TENM3: variants seen among roughly 807,000 people sequenced by gnomAD.
TENM3 encodes the protein teneurin transmembrane protein 3.
In TENM3, 63 loss-of-function variants were observed where a neutral mutation model predicts 255.1. The ratio of observed to expected loss-of-function variants is 0.25; its 90% CI spans 0.20 to 0.30. The LOEUF is 0.30. TENM3 is among the 10% of genes least tolerant of loss of function. TENM3 has a pLI of 1.00. For synonymous variants in TENM3, 1,306 were observed against 1,322.3 expected, an observed-to-expected ratio of 0.99 and a Z score of 0.27; for missense variants, 2,929 against 3,461.1, an observed-to-expected ratio of 0.85 and a Z score of 3.86.
chr4:182,783,101 A>T (rs1359829954), intron 24 of TENM3, among the ~76,000 whole-genome samples: 1 of 151,318 alleles, frequency 6.6e-6, no homozygotes, highest in Non-Finnish European at 1.5e-5. Context: ...TGTCATTATG[A>T]TGTTAGCTGG....
chr4:182,120,858 T>C, the TENM3 span, among the ~76,000 whole-genome samples: 4 of 152,034 alleles, frequency 2.6e-5, no homozygotes, highest in Non-Finnish European at 2.9e-5. Context: ...GAAGTTGAGG[T>C]CAAAGGGGTA....
the TENM3 span, among the ~76,000 whole-genome samples, chr4:181,958,808 A>G: frequency 1.2e-4 from 18 of 152,304 alleles, no homozygotes; most frequent in African/African-American, 4.3e-4. Flanking sequence ...TATTCTCAGA[A>G]TCTAGCAGAA....
At chr4:181,449,767 C>T in the TENM3 span, among the ~76,000 whole-genome samples, 11 of 152,050 alleles carry the variant, frequency 7.2e-5, no homozygotes, top group East Asian at 3.9e-4. Context: ...AGCCTGGGCA[C>T]GACAGAGTGA....
chr4:181,877,427 T>C, the TENM3 span, among the ~76,000 whole-genome samples: 6 of 152,316 alleles, frequency 3.9e-5, no homozygotes, highest in East Asian at 5.8e-4. Context: ...TTCATGCTAA[T>C]TGAAAAATTA....
At chr4:182,596,958 T>A (rs1014245282) in intron 3 of TENM3, among the ~76,000 whole-genome samples, 1 of 152,170 alleles carries the variant, frequency 6.6e-6, no homozygotes, top group African/African-American at 2.4e-5. Flanking sequence ...GCAGTGGCTG[T>A]TCTGGTTGTT....
upstream of TENM3, among the ~76,000 whole-genome samples, chr4:182,240,609 G>T (rs1757189410): frequency 6.6e-6 from 1 of 152,202 alleles, no homozygotes; most frequent in African/African-American, 2.4e-5. Flanking sequence ...TGCACTTTGA[G>T]CATGTGGGTG....
chr4:182,187,360 A>G (rs898313916), intron 1 of TENM3, among the ~76,000 whole-genome samples: 1 of 152,198 alleles, frequency 6.6e-6, no homozygotes, highest in Non-Finnish European at 1.5e-5. Context: ...TTCCTATATG[A>G]CCATGTTGGT....
chr4:182,534,815 G>T (rs1446502918), intron 3 of TENM3, among the ~76,000 whole-genome samples: 1 of 152,194 alleles, frequency 6.6e-6, no homozygotes, highest in Non-Finnish European at 1.5e-5. Flanking sequence ...TGGAAAGTGG[G>T]ATCAGATTAT....
chr4:182,356,933 G>T lies in TENM3; in HGVS notation c.511+10004G>T, dbSNP rs1765589146. Among the ~76,000 whole-genome samples the T allele has an allele frequency of 2.1e-5, 3 of 139,922 alleles. No individual in the cohort carries two copies. The South Asian group carries it at 6.6e-4, about 31-fold the overall frequency. The allele number at this position is 139,922 out of a possible 152,430, so 91.8% of individuals were successfully genotyped here. A position where few individuals can be genotyped will look rare whatever the true frequency, so the allele number is the denominator to read the frequency against. On this transcript the variant is annotated intron_variant, in intron 3 of 27. Coordinates refer to ENST00000511685, the MANE Select transcript of TENM3 (RefSeq NM_001080477.4). The stretch of plus-strand genomic sequence containing the variant: ...CTTCCTGTGTCCATGTGTTCTCATT[G>T]TTCAATTCTCACCTATGAGTGAGAA...
chr4:181,840,891 C>T, the TENM3 span, among the ~76,000 whole-genome samples: 3 of 152,154 alleles, frequency 2.0e-5, no homozygotes, highest in Non-Finnish European at 2.9e-5. Context: ...TTTCCACTTG[C>T]ACTCAGTCAC....
the TENM3 span, among the ~76,000 whole-genome samples, chr4:181,989,639 C>A: frequency 6.6e-6 from 1 of 152,140 alleles, no homozygotes; most frequent in African/African-American, 2.4e-5. Flanking sequence ...TTGAGCCAAA[C>A]TGGCTGTCTA....
At chr4:181,646,715 C>T in the TENM3 span, among the ~76,000 whole-genome samples, 152 of 152,272 alleles carry the variant, frequency 1.0e-3, no homozygotes, top group Admixed American at 2.0e-3. Flanking sequence ...AGGACCGAGG[C>T]GCGTCTGACT....
chr4:181,808,681 C>T, the TENM3 span, among the ~76,000 whole-genome samples: 1 of 152,114 alleles, frequency 6.6e-6, no homozygotes, highest in Non-Finnish European at 1.5e-5. Context: ...TACAAGCCAG[C>T]GAGCAAGTGA....
chr4:182,308,550 C>T lies in TENM3; in HGVS notation c.-75-15396C>T, dbSNP rs1546635. Reference sequence around the variant, plus strand: ...AGATGGGATCTCACTATATTGCCCACGCTGGTCTTGAACTCCTGGCCTCAA... The same window carrying T: ...AGATGGGATCTCACTATATTGCCCATGCTGGTCTTGAACTCCTGGCCTCAA... On this transcript the variant is annotated intron_variant, in intron 1 of 27. Transcript: ENST00000511685. Among the ~76,000 whole-genome samples the T allele has an allele frequency of 3.5e-3, 528 of 151,910 alleles. 1 individual carries two copies. Among genetic ancestry groups the T allele is most frequent in the Non-Finnish European group, 5.3e-3 (363 of 67,948 alleles).
At chr4:181,596,654 C>T in the TENM3 span, among the ~76,000 whole-genome samples, 1 of 152,018 alleles carries the variant, frequency 6.6e-6, no homozygotes, top group Non-Finnish European at 1.5e-5. Context: ...AACTTGTGTA[C>T]ACAATAGCAA....
upstream of TENM3, among the ~76,000 whole-genome samples, chr4:182,240,650 C>G (rs76111189): frequency 1.1e-4 from 17 of 152,256 alleles, no homozygotes; most frequent in South Asian, 1.9e-3. Flanking sequence ...ATTCTCCCTG[C>G]GAGTCCCGGC....
chr4:181,817,475 T>G, the TENM3 span, among the ~76,000 whole-genome samples: 1 of 152,196 alleles, frequency 6.6e-6, no homozygotes, highest in African/African-American at 2.4e-5. Context: ...CTCCTGGTCC[T>G]TGTAGACTGT....
chr4:182,755,926 T>G (rs1196211983), intron 22 of TENM3, among the ~76,000 whole-genome samples: 3 of 152,080 alleles, frequency 2.0e-5, no homozygotes. Flanking sequence ...AAGGGACTCG[T>G]GTAAGGGAGA....
At chr4:182,780,564 TTAA>T (rs1435316180) in intron 24 of TENM3, among the ~76,000 whole-genome samples, 79 of 125,670 alleles carry the variant, frequency 6.3e-4, no homozygotes, top group African/African-American at 2.6e-3. Context: ...CATATGAACT[TTAA>T]AGTAGTTTTT....
Sources: gnomAD v4.1 joint callset for allele counts (sites outside exome capture counted in the v4.1 genomes callset) on GRCh38, gnomAD v4.1.1 for gene constraint, MANE v1.5 for transcripts, NCBI Gene and HGNC (gene_info 2026-07-23, HGNC 2026-07-21) for gene names.